The following ANKFY1 variants were observed in gnomAD, a reference collection of about 807,000 sequenced individuals.
ANKFY1 encodes ankyrin repeat and FYVE domain containing 1, also known as ankyrin repeat and FYVE domain-containing protein 1.
ANKFY1 carries 47 observed loss-of-function variants against 128.3 expected under a neutral mutation model. That is an observed-to-expected ratio of 0.37 (90% CI 0.29 to 0.47). The LOEUF is 0.47. ANKFY1 is among the 20% of genes least tolerant of loss of function. The pLI is 1.00. For synonymous variants in ANKFY1, 553 were observed against 601.6 expected (o/e 0.92, Z 1.18); for missense variants, 1,222 against 1,510.6 (o/e 0.81, Z 3.17).
At chr17:4,199,754 G>A (rs1271738915) in intron 7 of ANKFY1, among the ~76,000 whole-genome samples, 2 of 152,200 alleles carry the variant, frequency 1.3e-5, no homozygotes, top group Non-Finnish European at 2.9e-5. Context: ...TGAAAAACCA[G>A]TTAAAGTTTA....
At chr17:4,191,509 C>G (rs2059717085) in intron 10 of ANKFY1, among the ~76,000 whole-genome samples, 1 of 150,306 alleles carries the variant, frequency 6.7e-6, no homozygotes, top group Non-Finnish European at 1.5e-5. Flanking sequence ...TTGATGGTTG[C>G]TCTAATCTGG....
chr17:4,167,740 G>C lies in ANKFY1; in HGVS notation c.*39C>G. The C allele has an allele frequency of 6.4e-7, 1 of 1,574,550 alleles. No homozygotes were observed. Among genetic ancestry groups the C allele is most frequent in the Non-Finnish European group, 8.6e-7 (1 of 1,156,686 alleles). On this transcript the variant is annotated 3_prime_UTR_variant, in exon 25 of 25. Transcript: ENST00000341657. The surrounding 1 kb of genome is among the most constrained non-coding windows in gnomAD (Gnocchi z 4.1). ...TGGTGAGCAGAGCAGCTGCTGGGGA[G>C]GTGACCAAGGACGTGGCCTGGACCC...
rs2059524541 is a variant in ANKFY1, at chr17:4,181,992, T to C, written c.2121+189A>G. ...GGTAGTTTTCTTGGTAAAGATGACCTAAAAACAAAAGGTCAGCCAAGACCA... is the reference window on the plus strand; with the variant it reads ...GGTAGTTTTCTTGGTAAAGATGACCCAAAAACAAAAGGTCAGCCAAGACCA... On this transcript the variant is annotated intron_variant, in intron 15 of 24. Transcript: ENST00000341657. The surrounding 1 kb of genome is among the most constrained non-coding windows in gnomAD (Gnocchi z 4.9). Among the ~76,000 whole-genome samples the C allele has an allele frequency of 6.6e-6, 1 of 152,204 alleles. No individual in the cohort carries two copies. The highest frequency in any genetic ancestry group is 2.1e-4 in the South Asian group (1 of 4,826).
At chr17:4,187,643 G>A (rs1364566497) in intron 11 of ANKFY1, 1 of 191,776 alleles carries the variant, frequency 5.2e-6, no homozygotes, top group South Asian at 1.9e-4. Context: ...GGTAGACAAT[G>A]TGGGCCCAAG....
intron 1 of ANKFY1, among the ~76,000 whole-genome samples, chr17:4,246,347 T>C (rs1461314466): frequency 1.3e-5 from 2 of 152,214 alleles, no homozygotes; most frequent in African/African-American, 4.8e-5. Flanking sequence ...CTTGTATCAG[T>C]CAACAGATTT....
chr17:4,181,905 T>C lies in ANKFY1; in HGVS notation c.2121+276A>G, dbSNP rs1669945099. Reference sequence around the variant, plus strand: ...CTATGGTGATAATGAGGACACCCCATAGCAAATCAACCAACCCCAGGAGAA... The same window carrying C: ...CTATGGTGATAATGAGGACACCCCACAGCAAATCAACCAACCCCAGGAGAA... On this transcript the variant is annotated intron_variant, in intron 15 of 24. Coordinates refer to ENST00000341657, the MANE Select transcript of ANKFY1 (RefSeq NM_001330063.2). This position sits in a 1 kb window ranked among gnomAD's most constrained non-coding sequence, Gnocchi z 4.9. 6.6e-6 allele frequency among the ~76,000 whole-genome samples: 1 copy of C among 152,134 alleles called. No homozygotes were observed. Among genetic ancestry groups the C allele is most frequent in the Non-Finnish European group, 1.5e-5 (1 of 68,018 alleles).
chr17:4,181,191 G>GAA lies in ANKFY1; in HGVS notation c.2240+61_2240+62dup. ...CAAGACTATAGACGGATTTAAAAAGGAAAGAGCCAGTTTGCAACAAGCTCA... is the reference window on the plus strand; with the variant it reads ...CAAGACTATAGACGGATTTAAAAAGGAAAAAGAGCCAGTTTGCAACAAGCTCA... On this transcript the variant is annotated intron_variant, in intron 16 of 24. Transcript: ENST00000341657. The surrounding 1 kb of genome is among the most constrained non-coding windows in gnomAD (Gnocchi z 4.9). The GAA allele has an allele frequency of 7.3e-7, 1 of 1,373,692 alleles. No homozygotes were observed. 85.1% of individuals were successfully genotyped at this position (1,373,692 alleles called of 1,614,324 possible).
Position 4,178,484 on chromosome 17 carries a change from G to A in ANKFY1, c.2598+373C>T, listed in dbSNP as rs1020287507. On this transcript the variant is annotated intron_variant, in intron 18 of 24. Transcript: ENST00000341657. The surrounding 1 kb of genome is among the most constrained non-coding windows in gnomAD (Gnocchi z 4.1). ...AGGCTACTGAGCAACTGAACTCCTC[G>A]GAAACACTCAGGAAGTTGCCCCAAC... 2.0e-4 allele frequency: 50 copies of A among 251,204 alleles called. No homozygotes were observed. The East Asian group carries it at 3.0e-3, about 15-fold the overall frequency. The allele number at this position is 251,204 out of a possible 1,614,324, so 15.6% of individuals were successfully genotyped here. A position where few individuals can be genotyped will look rare whatever the true frequency, so the allele number is the denominator to read the frequency against.
At chr17:4,192,566 G>A (rs1056709612) in intron 10 of ANKFY1, among the ~76,000 whole-genome samples, 8 of 150,826 alleles carry the variant, frequency 5.3e-5, no homozygotes, top group Admixed American at 5.3e-4. Context: ...CTAGTTGATG[G>A]TTACTCTAAT....
At chr17:4,201,851 C>T (rs1036943232) in intron 7 of ANKFY1, among the ~76,000 whole-genome samples, 7 of 152,106 alleles carry the variant, frequency 4.6e-5, no homozygotes, top group African/African-American at 1.2e-4. Flanking sequence ...TATACATATA[C>T]GCAGAGGGTC....
At chr17:4,182,511 G>A (rs922405269) in intron 14 of ANKFY1, among the ~76,000 whole-genome samples, 162 bp from the exon 15 acceptor site, 33 of 152,318 alleles carry the variant, frequency 2.2e-4, no homozygotes, top group Non-Finnish European at 4.0e-4. Context: ...AATAGTGTCT[G>A]TCCATTCTGA....
At chr17:4,173,172 A>T (rs2059353307) in intron 21 of ANKFY1, among the ~76,000 whole-genome samples, 182 bp downstream of exon 21, 5 of 152,230 alleles carry the variant, frequency 3.3e-5, no homozygotes. Flanking sequence ...TTTAAGAAGC[A>T]TTTTTTATTA....
intron 2 of ANKFY1, among the ~76,000 whole-genome samples, chr17:4,236,190 T>C (rs1966893113): frequency 6.6e-6 from 1 of 152,220 alleles, no homozygotes; most frequent in Admixed American, 6.5e-5. Flanking sequence ...AGTAGGATGA[T>C]TAATATTCAC....
intron 3 of ANKFY1, chr17:4,222,458 C>A (rs769017952): frequency 1.1e-4 from 91 of 812,950 alleles, no homozygotes; most frequent in Non-Finnish European, 1.8e-4. Context: ...GGATTCCAAG[C>A]GGACAATGTT....
chr17:4,197,346 G>C, intron 8 of ANKFY1, 27 bp downstream of exon 8: 2 of 1,612,026 alleles, frequency 1.2e-6, no homozygotes, highest in South Asian at 2.2e-5. Flanking sequence ...ACAGTGCTAA[G>C]GGCACAGTGT....
intron 18 of ANKFY1, among the ~76,000 whole-genome samples, chr17:4,177,511 C>T (rs1331181934): frequency 2.6e-5 from 4 of 152,120 alleles, no homozygotes; most frequent in African/African-American, 4.8e-5. Flanking sequence ...ACCAGGTGTG[C>T]GTGGCCACAC....
chr17:4,175,912 G>C (rs989133033), intron 19 of ANKFY1, among the ~76,000 whole-genome samples: 1 of 152,142 alleles, frequency 6.6e-6, no homozygotes, highest in Non-Finnish European at 1.5e-5. Flanking sequence ...GTTTCTGGGC[G>C]ATCCTATCAT....
At chr17:4,190,761 A>G (rs1425327023) in intron 10 of ANKFY1, among the ~76,000 whole-genome samples, 2 of 152,208 alleles carry the variant, frequency 1.3e-5, no homozygotes, top group Non-Finnish European at 2.9e-5. Context: ...TCCATTTCCA[A>G]AAATGAACAA....
At chr17:4,168,050 C>A (rs773251816) in intron 24 of ANKFY1, 139 bp from the exon 25 acceptor site, 2 of 854,248 alleles carry the variant, frequency 2.3e-6, no homozygotes, top group African/African-American at 1.7e-5. Flanking sequence ...ACTGCCAGCC[C>A]GGTTACCACA....
Sources: gnomAD v4.1 joint callset for allele counts (sites outside exome capture counted in the v4.1 genomes callset) on GRCh38, gnomAD v4.1.1 for gene constraint, Gnocchi (gnomAD v3.1) non-coding constraint, MANE v1.5 for transcripts, NCBI Gene and HGNC (gene_info 2026-07-23, HGNC 2026-07-21) for gene names.